The following DCC variants were observed in gnomAD, a reference collection of about 807,000 sequenced individuals.
The protein encoded by DCC is DCC netrin 1 receptor.
In DCC, 58 loss-of-function variants were observed where a neutral mutation model predicts 172.5. The observed-to-expected ratio is 0.34, with a 90% CI of 0.27 to 0.42. The LOEUF (loss-of-function observed/expected upper bound fraction) is 0.42, where lower values mean the gene tolerates loss of function less well. DCC is among the 10% of genes least tolerant of loss of function. The probability of loss-of-function intolerance (pLI) is 1.00; values close to 1 mark genes in which losing one functional copy is unlikely to be tolerated. For synonymous variants in DCC, 709 were observed against 644.5 expected (o/e 1.10, Z -1.52); for missense variants, 1,740 against 1,791.0 (o/e 0.97, Z 0.51).
intron 18 of DCC, among the ~76,000 whole-genome samples, chr18:53,399,218 C>A (rs1211190739): frequency 6.6e-6 from 1 of 152,130 alleles, no homozygotes; most frequent in Non-Finnish European, 1.5e-5. Flanking sequence ...AAGTGAGGAA[C>A]TGTTGGTTTA....
chr18:53,176,041 G>C (rs1458990158), intron 8 of DCC, among the ~76,000 whole-genome samples: 18 of 149,218 alleles, frequency 1.2e-4, no homozygotes, highest in Non-Finnish European at 2.4e-4. Flanking sequence ...ACAACTATCT[G>C]ATCTTTGACA....
intron 1 of DCC, among the ~76,000 whole-genome samples, chr18:52,497,275 A>AT (rs2030804596): frequency 6.8e-5 from 3 of 44,286 alleles, no homozygotes; most frequent in African/African-American, 3.1e-4. Flanking sequence ...AAAAAAAAAA[A>AT]AAAAAATATA....
intron 1 of DCC, among the ~76,000 whole-genome samples, chr18:52,721,960 G>T (rs541960706): frequency 6.6e-6 from 1 of 152,266 alleles, no homozygotes; most frequent in South Asian, 2.1e-4. Context: ...GGAGGTGGAG[G>T]TTGCAGTGAG....
intron 1 of DCC, among the ~76,000 whole-genome samples, chr18:52,551,370 G>A (rs562191617): frequency 6.6e-6 from 1 of 151,994 alleles, no homozygotes; most frequent in Non-Finnish European, 1.5e-5. Context: ...TGATAGTAAA[G>A]CATTTAAGAA....
chr18:53,223,059 A>G (rs1479275246), intron 12 of DCC, among the ~76,000 whole-genome samples: 1 of 152,124 alleles, frequency 6.6e-6, no homozygotes, highest in Non-Finnish European at 1.5e-5. Flanking sequence ...CATAACTAGA[A>G]TAGGATATTG....
At chr18:52,674,605 G>A (rs571236434) in intron 1 of DCC, among the ~76,000 whole-genome samples, 1 of 152,318 alleles carries the variant, frequency 6.6e-6, no homozygotes, top group South Asian at 2.1e-4. Context: ...AACATATGGA[G>A]TGAATACCAA....
chr18:52,996,487 AT>A (rs1170768067), intron 5 of DCC, among the ~76,000 whole-genome samples: 1 of 151,954 alleles, frequency 6.6e-6, no homozygotes, highest in East Asian at 1.9e-4. Flanking sequence ...TTTTTGAGAG[AT>A]TGTATGCAAG....
Position 53,459,452 on chromosome 18 carries a change from C to T in DCC, c.3613C>T (p.His1205Tyr), listed in dbSNP as rs753723136. The T allele has an allele frequency of 6.2e-7, 1 of 1,601,582 alleles. No homozygotes were observed. The highest frequency in any genetic ancestry group is 8.6e-7 in the Non-Finnish European group (1 of 1,168,914). ...ETQLGSKSTS[H>Y]SGQDTEEAGS... is the part of the protein sequence containing the mutation. ...CCAACTGGGAAGCAAAAGCACCTCT[C>T]ATTCAGGTAATTATCTTTTCACTGG... is the stretch of plus-strand genomic sequence containing the variant. The change falls in exon 24 of 29, where the codon CAT becomes TAT. Residue 1205 changes from histidine (H) to tyrosine (Y), a missense_variant. Coordinates refer to ENST00000442544, the MANE Select transcript of DCC (RefSeq NM_005215.4).
chr18:53,207,414 C>T (rs560131817), intron 10 of DCC, among the ~76,000 whole-genome samples: 1 of 152,094 alleles, frequency 6.6e-6, no homozygotes, highest in African/African-American at 2.4e-5. Context: ...TAGAATAACC[C>T]AAACCATTCA....
intron 1 of DCC, among the ~76,000 whole-genome samples, chr18:52,698,766 T>C (rs1156907663): frequency 3.7e-5 from 1 of 26,726 alleles, no homozygotes; most frequent in Admixed American, 3.5e-4. Flanking sequence ...GCCTGGCTAT[T>C]TTTTTTTTTT....
chr18:52,362,263 C>T (rs760628492), intron 1 of DCC, among the ~76,000 whole-genome samples: 3 of 152,226 alleles, frequency 2.0e-5, no homozygotes, highest in Non-Finnish European at 4.4e-5. Flanking sequence ...TCCATTTATC[C>T]AACCATTTGT....
chr18:52,497,584 T>C (rs2030851130), intron 1 of DCC, among the ~76,000 whole-genome samples: 1 of 151,870 alleles, frequency 6.6e-6, no homozygotes, highest in Admixed American at 6.6e-5. Context: ...ATTCTAACCA[T>C]CCCCTAACAA....
intron 5 of DCC, among the ~76,000 whole-genome samples, chr18:52,954,054 C>A (rs961096309): frequency 2.6e-5 from 4 of 152,178 alleles, no homozygotes; most frequent in Non-Finnish European, 4.4e-5. Flanking sequence ...TCTTTGAATT[C>A]TTACTACAGC....
intron 21 of DCC, among the ~76,000 whole-genome samples, chr18:53,426,709 G>A (rs140136995): frequency 4.0e-5 from 6 of 151,670 alleles, no homozygotes; most frequent in East Asian, 3.9e-4. Context: ...AACATTTTCC[G>A]TCTCACTGAC....
intron 7 of DCC, among the ~76,000 whole-genome samples, chr18:53,140,227 G>C (rs1211554072): frequency 6.6e-6 from 1 of 152,102 alleles, no homozygotes; most frequent in Admixed American, 6.5e-5. Context: ...TGGTGAAACA[G>C]ATTTGCTCAG....
chr18:53,429,143 C>T (rs1488881065), intron 21 of DCC, among the ~76,000 whole-genome samples: 14 of 112,434 alleles, frequency 1.2e-4, no homozygotes, highest in African/African-American at 4.2e-4. Context: ...ATATATATAT[C>T]GGTTGGTCTG....
intron 5 of DCC, among the ~76,000 whole-genome samples, chr18:52,932,525 G>C (rs551602896): frequency 6.6e-6 from 1 of 152,218 alleles, no homozygotes; most frequent in African/African-American, 2.4e-5. Flanking sequence ...TCTTCAGTAG[G>C]AGCCATTAAG....
At chr18:52,989,748 A>G (rs1308761553) in intron 5 of DCC, among the ~76,000 whole-genome samples, 3 of 152,200 alleles carry the variant, frequency 2.0e-5, no homozygotes, top group Non-Finnish European at 2.9e-5. Flanking sequence ...ATAATGACAT[A>G]ATGGGAATTC....
At chr18:52,641,661 T>G (rs111656695) in intron 1 of DCC, among the ~76,000 whole-genome samples, 18 of 151,984 alleles carry the variant, frequency 1.2e-4, no homozygotes, top group African/African-American at 4.3e-4. Context: ...AAAACCACAA[T>G]GCAATACCAC....
Sources: allele counts gnomAD v4.1 joint callset (sites outside exome capture counted in the v4.1 genomes callset), GRCh38; gene constraint gnomAD v4.1.1; transcripts MANE v1.5; gene names NCBI Gene and HGNC (gene_info 2026-07-23, HGNC 2026-07-21).